Variants in DNAH12 observed in about 807,000 individuals in gnomAD.
DNAH12 encodes axonemal beta dynein heavy chain 12.
Under a neutral mutation model 371.5 loss-of-function variants are expected in DNAH12, and 285 were observed. The ratio of observed to expected loss-of-function variants is 0.77; its 90% CI spans 0.70 to 0.85. The LOEUF is 0.85. DNAH12 is among the 40% of genes least tolerant of loss of function. DNAH12 has a pLI of 0.00. For synonymous variants in DNAH12, 1,200 were observed against 1,213.0 expected (o/e 0.99, Z 0.22); for missense variants, 3,611 against 3,689.4 (o/e 0.98, Z 0.55).
At chr3:57,462,898 T>C (rs1382153625) in intron 17 of DNAH12, 23 bp from the exon 18 acceptor site, 1 of 1,520,296 alleles carries the variant, frequency 6.6e-7, no homozygotes. Flanking sequence ...ATATAAACAA[T>C]TATGAGTCAC....
intron 10 of DNAH12, among the ~76,000 whole-genome samples, 154 bp downstream of exon 10, chr3:57,502,169 G>T (rs1407341303): frequency 6.6e-6 from 1 of 152,006 alleles, no homozygotes; most frequent in African/African-American, 2.4e-5. Flanking sequence ...GGCCTCCCTG[G>T]GTTGGATTCT....
Position 57,499,644 on chromosome 3 carries a change from AAAAATATATATATATAT to A in DNAH12, c.1335+1660_1335+1676del, listed in dbSNP as rs1319838131. Among the ~76,000 whole-genome samples, 12 of 40,770 alleles carry A rather than the reference AAAAATATATATATATAT, an allele frequency of 2.9e-4. 2 individuals are homozygous for A. The highest frequency in any genetic ancestry group is 1.1e-3 in the African/African-American group (11 of 10,328). 26.7% of individuals were successfully genotyped at this position (40,770 alleles called of 152,430 possible). A position where few individuals can be genotyped will look rare whatever the true frequency, so the allele number is the denominator to read the frequency against. On this transcript the variant is annotated intron_variant, in intron 11 of 73. Coordinates refer to ENST00000495027, the MANE Select transcript of DNAH12 (RefSeq NM_001366028.2). ...CACCATCTCTACAAAAAAAAAAAAA[AAAAATATATATATATAT>A]ATATATATATATATACTTCTTAAAA... is the stretch of plus-strand genomic sequence containing the variant.
chr3:57,510,873 T>C lies in DNAH12; in HGVS notation c.386A>G (p.Glu129Gly). The C allele has an allele frequency of 6.2e-7, 1 of 1,614,078 alleles. No homozygotes were observed. The highest frequency in any genetic ancestry group is 8.5e-7 in the Non-Finnish European group (1 of 1,180,022). Residue 129 changes from glutamate (E) to glycine (G), a missense_variant, in exon 5 of 74, where the codon GAA (glutamate) becomes GGA (glycine). This residue lies in a region of DNAH12 where 1,314 missense variants were observed against 1,398.7 expected (regional missense o/e 0.94). Transcript: ENST00000495027. ...AAGAAGTTCTTCTCTTTCTTTCCCT[T>C]CCTTTAAAGACTCAGGTATCAGCCT... ...MLRLIPESLK[E>G]GKEREELLES... is the part of the protein sequence containing the mutation.
At chr3:57,370,984 C>T (rs2063158553) in intron 55 of DNAH12, among the ~76,000 whole-genome samples, 1 of 152,088 alleles carries the variant, frequency 6.6e-6, no homozygotes, top group African/African-American at 2.4e-5. Flanking sequence ...GTTTTGATTC[C>T]CATCTCATAT....
chr3:57,458,293 C>G (rs1265196157), intron 20 of DNAH12, 73 bp from the exon 21 acceptor site: 2 of 1,396,768 alleles, frequency 1.4e-6, no homozygotes, highest in Non-Finnish European at 1.9e-6. Flanking sequence ...TCAATCTATA[C>G]TATATGTTAA....
rs1394383324 is a variant in DNAH12, at chr3:57,508,483, T to C, written c.600A>G (p.Ile200Met). The C allele has an allele frequency of 6.2e-7, 1 of 1,613,228 alleles. No individual in the cohort carries two copies. Among genetic ancestry groups the C allele is most frequent in the Non-Finnish European group, 8.5e-7 (1 of 1,179,862 alleles). Residue 200 changes from isoleucine to methionine, a missense_variant, in exon 7 of 74, where the codon ATA becomes ATG. Transcript: ENST00000495027. ...HSSYVQARNQIFSNLHIIHPT... is the reference protein window; with the variant it reads ...HSSYVQARNQMFSNLHIIHPT... ...GATGAATAATGTGCAAATTAGAGAA[T>C]ATTTGATTTCTTGCCTGCACATAGC... is the stretch of plus-strand genomic sequence containing the variant.
At chr3:57,466,757 T>C (rs2066214146) in intron 17 of DNAH12, among the ~76,000 whole-genome samples, 1 of 151,074 alleles carries the variant, frequency 6.6e-6, no homozygotes, top group Non-Finnish European at 1.5e-5. Flanking sequence ...TATGCCCTTA[T>C]TTTTTTTTGA....
chr3:57,446,616 TTGG>T lies in DNAH12; in HGVS notation c.3857_3859del (p.Thr1286del). The T allele has an allele frequency of 6.5e-7, 1 of 1,550,354 alleles. No individual in the cohort carries two copies. Among genetic ancestry groups the T allele is most frequent in the Non-Finnish European group, 8.7e-7 (1 of 1,146,162 alleles). The stretch of plus-strand genomic sequence containing the variant: ...TACAGCAAGAGCTTTAGCCAAGTCC[TTGG>T]TGGTTTCGGTTTTTCCTGTGCCTGC... On this transcript the variant is annotated inframe_deletion, in exon 26 of 74. Coordinates refer to ENST00000495027, the MANE Select transcript of DNAH12 (RefSeq NM_001366028.2).
the DNAH12 span, among the ~76,000 whole-genome samples, chr3:57,550,063 C>T: frequency 6.6e-6 from 1 of 152,120 alleles, no homozygotes; most frequent in African/African-American, 2.4e-5. Flanking sequence ...AATCCCAACA[C>T]TCTGGGAGGC....
At chr3:57,371,676 C>CAT (rs1263366578) in intron 55 of DNAH12, among the ~76,000 whole-genome samples, 2 of 150,636 alleles carry the variant, frequency 1.3e-5, no homozygotes, top group East Asian at 1.9e-4. Context: ...CACGCACACA[C>CAT]ACACACACAC....
At chr3:57,413,602 A>C in intron 39 of DNAH12, 144 bp downstream of exon 39, 2 of 902,214 alleles carry the variant, frequency 2.2e-6, no homozygotes, top group Non-Finnish European at 3.3e-6. Flanking sequence ...TTTTCGAAAT[A>C]TATTAGAGAG....
At chr3:57,314,803 A>G (rs1034330152) in intron 65 of DNAH12, among the ~76,000 whole-genome samples, 172 bp from the exon 66 acceptor site, 6 of 152,234 alleles carry the variant, frequency 3.9e-5, no homozygotes, top group Admixed American at 3.9e-4. Context: ...AATAGTATTC[A>G]TCTTATGATT....
In DNAH12 at chr3:57,468,723, T is replaced by C; in HGVS notation, c.2349+13A>G. 5 of 1,331,144 alleles carry C rather than the reference T, an allele frequency of 3.8e-6. No individual in the cohort carries two copies. The highest frequency in any genetic ancestry group is 3.9e-6 in the Non-Finnish European group (4 of 1,025,316). The allele number at this position is 1,331,144 out of a possible 1,614,324, so 82.5% of individuals were successfully genotyped here. A position where few individuals can be genotyped will look rare whatever the true frequency, so the allele number is the denominator to read the frequency against. On this transcript the variant is annotated intron_variant, in intron 17 of 73. Transcript: ENST00000495027. ...TAGCTATAATATTAAAATGTTATTA[T>C]ATATATTTATACCTTAAAAGCTTTT...
At chr3:57,415,594 A>T in intron 37 of DNAH12, 30 bp from the exon 38 acceptor site, 1 of 1,504,036 alleles carries the variant, frequency 6.6e-7, no homozygotes, top group Non-Finnish European at 8.8e-7. Context: ...ATATTATTCA[A>T]AATGGAAAAA....
At position 57,445,295 on chromosome 3, in the gene DNAH12, AGCCTATAG is replaced by A. The variant is rs1303745750; in HGVS notation, c.4296_4303del (p.Tyr1433LeufsTer35). 6.4e-7 allele frequency: 1 copy of A among 1,551,458 alleles called. No individual in the cohort carries two copies. Among genetic ancestry groups the A allele is most frequent in the Non-Finnish European group, 8.7e-7 (1 of 1,146,954 alleles). On this transcript the variant is annotated frameshift_variant, in exon 28 of 74. Transcript: ENST00000495027. LOFTEE classifies it high-confidence loss of function. ...TTGCGATGAGAGCTGCTCTGAGCAA[AGCCTATAG>A]GTCATTACTATTTTCACAGACAGAG...
At chr3:57,546,634 A>G (rs2069579560), upstream of DNAH12, among the ~76,000 whole-genome samples, 1 of 152,226 alleles carries the variant, frequency 6.6e-6, no homozygotes, top group African/African-American at 2.4e-5. Context: ...ATGAGCCACC[A>G]TATCTAGCCT....
In DNAH12 at chr3:57,394,834, C is replaced by T. The variant is rs945421042; in HGVS notation, c.6949-502G>A. ...TGTCAAAAGCCTATCTACCTCTAGA[C>T]GCTTCAGTGTAGACAGGCTGGGGTT... On this transcript the variant is annotated intron_variant, in intron 43 of 73. Transcript: ENST00000495027. Among the ~76,000 whole-genome samples, 438 of 152,210 alleles carry T rather than the reference C, an allele frequency of 2.9e-3. 2 individuals carry two copies. The highest frequency in any genetic ancestry group is 9.9e-3 in the African/African-American group (410 of 41,536).
chr3:57,429,644 GA>G, intron 33 of DNAH12, 46 bp downstream of exon 33: 1 of 1,474,670 alleles, frequency 6.8e-7, no homozygotes, highest in Non-Finnish European at 9.1e-7. Context: ...CTAAATTAAA[GA>G]ATGAAGAAAT....
At chr3:57,329,301 A>G (rs2062031309) in intron 62 of DNAH12, among the ~76,000 whole-genome samples, 1 of 129,360 alleles carries the variant, frequency 7.7e-6, no homozygotes, top group Non-Finnish European at 1.6e-5. Context: ...ACACTACCTG[A>G]CTTCAAACTA....
Sources: gnomAD v4.1 joint callset for allele counts (sites outside exome capture counted in the v4.1 genomes callset) on GRCh38, gnomAD v4.1.1 for gene constraint, gnomAD v4.1.1 regional missense constraint, MANE v1.5 for transcripts, NCBI Gene and HGNC (gene_info 2026-07-23, HGNC 2026-07-21) for gene names.